The following AGBL1 variants were observed in gnomAD, a reference collection of about 807,000 sequenced individuals.
The protein encoded by AGBL1 is AGBL carboxypeptidase 1.
A neutral mutation model predicts 118.9 loss-of-function variants in AGBL1; 130 were observed. The ratio of observed to expected loss-of-function variants is 1.09; its 90% CI spans 0.95 to 1.26. AGBL1 has a LOEUF of 1.26. Ranked by LOEUF, AGBL1 falls within the 50% of genes most tolerant of loss-of-function variation. The probability of loss-of-function intolerance (pLI) is 0.00; values close to 1 mark genes in which losing one functional copy is unlikely to be tolerated. For missense variants in AGBL1, 1,584 were observed against 1,298.1 expected, an observed-to-expected ratio of 1.22 and a Z score of -3.38; for synonymous variants, 555 against 478.9, an observed-to-expected ratio of 1.16 and a Z score of -2.08.
At chr15:86,712,357 A>C (rs1419620750) in intron 22 of AGBL1, among the ~76,000 whole-genome samples, 2 of 145,034 alleles carry the variant, frequency 1.4e-5, no homozygotes, top group Non-Finnish European at 3.0e-5. Flanking sequence ...TACAGAGACG[A>C]TGTGTACTTT....
chr15:87,029,282 C>G (rs959835469), downstream of AGBL1, among the ~76,000 whole-genome samples: 25 of 151,784 alleles, frequency 1.6e-4, no homozygotes, highest in African/African-American at 6.0e-4. Context: ...GCTCAATATC[C>G]TTTATGTAAT....
chr15:86,433,348 T>C (rs538004745), intron 18 of AGBL1, among the ~76,000 whole-genome samples: 27 of 135,576 alleles, frequency 2.0e-4, no homozygotes, highest in Middle Eastern at 9.2e-3. Flanking sequence ...AGAACCAGGA[T>C]GATTGCATCA....
At chr15:86,770,183 A>G (rs908045485) in intron 22 of AGBL1, among the ~76,000 whole-genome samples, 2 of 152,022 alleles carry the variant, frequency 1.3e-5, no homozygotes, top group African/African-American at 4.8e-5. Flanking sequence ...CAGATAATCT[A>G]CATGTATCTG....
intron 17 of AGBL1, among the ~76,000 whole-genome samples, chr15:86,322,941 T>C (rs2080126574): frequency 6.6e-6 from 1 of 152,186 alleles, no homozygotes; most frequent in African/African-American, 2.4e-5. Context: ...GTACCAGCTT[T>C]TTGCAGTGGT....
At chr15:86,256,811 T>C (rs764413576) in intron 7 of AGBL1, 42 bp from the exon 8 acceptor site, 6 of 1,604,164 alleles carry the variant, frequency 3.7e-6, no homozygotes, top group Non-Finnish European at 4.3e-6. Context: ...TAGGGGACTG[T>C]GCCCAGATGT....
At position 86,645,630 on chromosome 15, in the gene AGBL1, A is replaced by G. The variant is rs561229869; in HGVS notation, c.2995-28643A>G. Among the ~76,000 whole-genome samples the G allele has an allele frequency of 2.6e-5, 4 of 152,268 alleles. No individual in the cohort carries two copies. In the South Asian group the frequency reaches 8.3e-4, roughly 32 times the overall value. The stretch of plus-strand genomic sequence containing the variant: ...GACACTGTTGACTGACAGTTGAGAA[A>G]GGTAAAAGCTATTAAGACATCCTAG... On this transcript the variant is annotated intron_variant, in intron 21 of 22. Coordinates refer to ENST00000614907, the MANE Select transcript of AGBL1 (RefSeq NM_001386094.1).
At chr15:86,358,027 G>A (rs953309206) in intron 17 of AGBL1, among the ~76,000 whole-genome samples, 2 of 151,982 alleles carry the variant, frequency 1.3e-5, no homozygotes, top group African/African-American at 2.4e-5. Context: ...TAATTTTTTT[G>A]TGGTGAGAAC....
chr15:86,304,068 A>G (rs1021913965), intron 17 of AGBL1, among the ~76,000 whole-genome samples: 2 of 152,134 alleles, frequency 1.3e-5, no homozygotes, highest in South Asian at 2.1e-4. Flanking sequence ...TCAAGATACA[A>G]TCACCCATAT....
At chr15:86,795,117 A>G (rs1307591730) in intron 22 of AGBL1, among the ~76,000 whole-genome samples, 1 of 152,206 alleles carries the variant, frequency 6.6e-6, no homozygotes, top group Non-Finnish European at 1.5e-5. Context: ...CTTAGTCTCC[A>G]TGGCTCTGAG....
At chr15:86,466,443 C>A in intron 18 of AGBL1, among the ~76,000 whole-genome samples, 1 of 152,286 alleles carries the variant, frequency 6.6e-6, no homozygotes, top group Non-Finnish European at 1.5e-5. Flanking sequence ...AGAACATGCT[C>A]CTTTAGGTTG....
chr15:86,207,967 G>T (rs1420869187), intron 5 of AGBL1, among the ~76,000 whole-genome samples: 1 of 151,500 alleles, frequency 6.6e-6, no homozygotes, highest in Admixed American at 6.6e-5. Context: ...AAACAGCTCT[G>T]ATTATTTTGA....
chr15:86,249,705 C>T (rs75781511), intron 7 of AGBL1, among the ~76,000 whole-genome samples: 4,300 of 152,230 alleles, frequency 0.028, 74 homozygotes, highest in Middle Eastern at 0.051. Context: ...GTTCCTCTGC[C>T]CTCCATGTTA....
intron 24 of AGBL1, among the ~76,000 whole-genome samples, chr15:87,018,869 T>A (rs1012275827): frequency 1.3e-5 from 2 of 152,120 alleles, no homozygotes; most frequent in African/African-American, 4.8e-5. Flanking sequence ...GTATGTTGTC[T>A]TCAAGATATT....
Position 86,750,309 on chromosome 15 carries a change from T to C in AGBL1, c.3158+75873T>C, listed in dbSNP as rs1011171318. ...AACACATAGTAATTTTACATATTTA[T>C]GGGGTACAGATTGGTATTTCAATAC... is the stretch of plus-strand genomic sequence containing the variant. On this transcript the variant is annotated intron_variant, in intron 22 of 22. Transcript: ENST00000614907. Among the ~76,000 whole-genome samples, 5 of 152,142 alleles carry C rather than the reference T, an allele frequency of 3.3e-5. No homozygotes were observed. In the East Asian group the frequency reaches 9.7e-4, roughly 29 times the overall value.
chr15:86,500,946 G>T (rs538038323), intron 18 of AGBL1, among the ~76,000 whole-genome samples: 2 of 151,762 alleles, frequency 1.3e-5, no homozygotes, highest in South Asian at 4.1e-4. Context: ...TAGGAGTAAT[G>T]CTGCTATAAA....
intron 17 of AGBL1, among the ~76,000 whole-genome samples, chr15:86,340,319 A>G (rs1243290607): frequency 6.7e-6 from 1 of 150,186 alleles, no homozygotes; most frequent in African/African-American, 2.5e-5. Flanking sequence ...ATGTCTATTC[A>G]GAAGCTCAGA....
chr15:86,625,781 T>C (rs1052035779), intron 21 of AGBL1, among the ~76,000 whole-genome samples: 8 of 152,126 alleles, frequency 5.3e-5, no homozygotes, highest in African/African-American at 1.9e-4. Context: ...AAAGTTATTG[T>C]TCAGGGCAGC....
intron 18 of AGBL1, among the ~76,000 whole-genome samples, chr15:86,461,568 G>C (rs1161601776): frequency 6.6e-6 from 1 of 151,972 alleles, no homozygotes; most frequent in Non-Finnish European, 1.5e-5. Flanking sequence ...GGAGTATCAC[G>C]GCAATATATA....
intron 22 of AGBL1, among the ~76,000 whole-genome samples, chr15:86,871,840 C>T (rs28692854): frequency 1.2e-4 from 19 of 152,288 alleles, no homozygotes; most frequent in Middle Eastern, 3.4e-3. Context: ...CTTTGTCTTT[C>T]TACATCATCC....
Sources: allele counts gnomAD v4.1 joint callset (sites outside exome capture counted in the v4.1 genomes callset), GRCh38; gene constraint gnomAD v4.1.1; transcripts MANE v1.5; gene names NCBI Gene and HGNC (gene_info 2026-07-23, HGNC 2026-07-21).